Variants in JAK2 observed in about 807,000 individuals in gnomAD.
The protein encoded by JAK2 is Janus kinase 2, also known as tyrosine-protein kinase JAK2.
Under a neutral mutation model 139.3 loss-of-function variants are expected in JAK2, and 86 were observed. That is an observed-to-expected ratio of 0.62 (90% confidence interval 0.52 to 0.74). The LOEUF (loss-of-function observed/expected upper bound fraction) is 0.74, where lower values mean the gene tolerates loss of function less well. JAK2 is among the 30% of genes least tolerant of loss of function. JAK2 has a pLI of 0.00. For synonymous variants in JAK2, 490 were observed against 437.7 expected (o/e 1.12, Z -1.49); for missense variants, 1,421 against 1,360.3 (o/e 1.04, Z -0.70).
At chr9:5,073,283 G>T (rs1428745830) in intron 13 of JAK2, among the ~76,000 whole-genome samples, 1 of 152,202 alleles carries the variant, frequency 6.6e-6, no homozygotes, top group Non-Finnish European at 1.5e-5. Flanking sequence ...TCCTGACACA[G>T]ATGTCGTGAT....
At chr9:5,090,997 T>C in intron 22 of JAK2, 86 bp downstream of exon 22, 1 of 1,008,430 alleles carries the variant, frequency 9.9e-7, no homozygotes, top group Non-Finnish European at 1.5e-6. Context: ...GCCATTTCTA[T>C]ATTTACAGTA....
At chr9:5,072,422 A>G (rs1255116516) in intron 12 of JAK2, 70 bp from the exon 13 acceptor site, 2 of 1,157,264 alleles carry the variant, frequency 1.7e-6, no homozygotes, top group Non-Finnish European at 2.4e-6. Flanking sequence ...TCCTCATTGA[A>G]TGTATTTTCT....
Position 5,103,221 on chromosome 9 carries a change from CAAAAAAAAAAAAAAAAAAAAA to C in JAK2, c.3059+12324_3059+12344del, listed in dbSNP as rs56691830. On this transcript the variant is annotated intron_variant, in intron 22 of 24. Transcript: ENST00000381652. The stretch of plus-strand genomic sequence containing the variant: ...GAAGATCTACCAAGCAAAGGGAAAG[CAAAAAAAAAAAAAAAAAAAAA>C]AAAAAAAAAAAAAGCAGGAGTTGCA... Among the ~76,000 whole-genome samples the C allele has an allele frequency of 9.3e-3, 64 of 6,886 alleles. No homozygotes were observed. In the East Asian group the frequency reaches 0.2, roughly 22 times the overall value. 4.5% of individuals were successfully genotyped at this position (6,886 alleles called of 152,430 possible).
intron 10 of JAK2, among the ~76,000 whole-genome samples, chr9:5,068,174 CA>C (rs34519862): frequency 0.4 from 53,829 of 136,094 alleles, 12,443 homozygotes; most frequent in African/African-American, 0.69. Context: ...AAAACAACAA[CA>C]AAAAAAAAAA....
At chr9:4,994,706 G>A (rs1023265425) in intron 2 of JAK2, among the ~76,000 whole-genome samples, 2 of 152,064 alleles carry the variant, frequency 1.3e-5, no homozygotes, top group African/African-American at 2.4e-5. Context: ...ACAGGCAGCT[G>A]GCTAAATTTG....
At position 5,127,802 on chromosome 9, in the gene JAK2, C is replaced by T. The variant is rs1824095420; in HGVS notation, c.*1011C>T. On this transcript the variant is annotated 3_prime_UTR_variant, in exon 25 of 25. Coordinates refer to ENST00000381652, the MANE Select transcript of JAK2 (RefSeq NM_004972.4). ...AGTGCAGCAGGTTAAGAATTTTTTC[C>T]TAAAGACTGTATATTTGAGGGGTTT... 4.3e-6 allele frequency: 1 copy of T among 232,416 alleles called. No homozygotes were observed. Among genetic ancestry groups the T allele is most frequent in the Non-Finnish European group, 8.5e-6 (1 of 117,254 alleles). 14.4% of individuals were successfully genotyped at this position (232,416 alleles called of 1,614,324 possible).
rs1293103784 is a variant in JAK2, at chr9:5,054,787, C to T, written c.839C>T (p.Ser280Leu). 6.2e-7 allele frequency: 1 copy of T among 1,613,050 alleles called. No homozygotes were observed. The highest frequency in any genetic ancestry group is 1.7e-5 in the Admixed American group (1 of 59,930). The change falls in exon 7 of 25, where the codon TCA (serine) becomes TTA (leucine). Residue 280 changes from serine (S) to leucine (L), a missense_variant. Ser to Leu is a moderately radical substitution (Grantham distance 145). Transcript: ENST00000381652. This position sits in a 1 kb window ranked among gnomAD's most constrained non-coding sequence, Gnocchi z 4.9. Reference protein sequence around the residue: ...FEVKEPGSGPSGEEIFATIII... With the variant: ...FEVKEPGSGPLGEEIFATIII... ...GTAAAAGAACCTGGAAGTGGTCCTT[C>T]AGGTGAGGAGATTTTTGCAACCATT...
intron 22 of JAK2, among the ~76,000 whole-genome samples, chr9:5,115,639 T>C (rs892783974): frequency 2.0e-5 from 3 of 152,206 alleles, no homozygotes; most frequent in Non-Finnish European, 4.4e-5. Flanking sequence ...CTTTTCACAA[T>C]AGCAAAGACT....
intron 6 of JAK2, among the ~76,000 whole-genome samples, chr9:5,051,753 T>C (rs1411568796): frequency 2.0e-5 from 3 of 152,190 alleles, no homozygotes; most frequent in East Asian, 3.8e-4. Flanking sequence ...TTTTTTGAAA[T>C]TGTTCTCCCA....
At chr9:5,113,963 AG>A (rs1822896547) in intron 22 of JAK2, 1 of 272,684 alleles carries the variant, frequency 3.7e-6, no homozygotes, top group Non-Finnish European at 7.3e-6. Context: ...GGGTACACCC[AG>A]GTGCCATCAG....
At position 5,073,709 on chromosome 9, in the gene JAK2, A is replaced by G; in HGVS notation, c.1788A>G (p.Glu596=). ...TTTTTTTTCCTTAGTCTTTCTTTGA[A>G]GCAGCAAGTATGATGAGCAAGCTTT... is the stretch of plus-strand genomic sequence containing the variant. ...AHRNYSESFF[E]AASMMSKLSH... Residue 596 remains glutamate, a synonymous_variant, in exon 14 of 25, where the codon GAA becomes GAG. Transcript: ENST00000381652. 1 of 1,611,378 alleles carries G rather than the reference A, an allele frequency of 6.2e-7. No individual in the cohort carries two copies. Among genetic ancestry groups the G allele is most frequent in the Non-Finnish European group, 8.5e-7 (1 of 1,178,482 alleles).
At chr9:5,120,565 T>TA (rs1487644654) in intron 22 of JAK2, among the ~76,000 whole-genome samples, 4 of 152,218 alleles carry the variant, frequency 2.6e-5, no homozygotes, top group Admixed American at 6.5e-5. Flanking sequence ...TTAAATGTTG[T>TA]AAAAAATCGG....
chr9:5,105,139 C>T (rs575214629), intron 22 of JAK2, among the ~76,000 whole-genome samples: 20 of 152,224 alleles, frequency 1.3e-4, no homozygotes, highest in Admixed American at 2.6e-4. Context: ...GCAGATGACA[C>T]GACTGTATAT....
Position 5,054,468 on chromosome 9 carries a change from C to A in JAK2, c.615-95C>A. The A allele has an allele frequency of 9.6e-7, 1 of 1,041,932 alleles. No individual in the cohort carries two copies. The highest frequency in any genetic ancestry group is 1.4e-6 in the Non-Finnish European group (1 of 708,932). 64.5% of individuals were successfully genotyped at this position (1,041,932 alleles called of 1,614,324 possible). ...CACTGTGTTGTAAGGCCTACTTAAT[C>A]ATGGAAAAAGGTGGTAACTTCTTTT... On this transcript the variant is annotated intron_variant, in intron 6 of 24. Transcript: ENST00000381652. This position sits in a 1 kb window ranked among gnomAD's most constrained non-coding sequence, Gnocchi z 4.9.
At chr9:5,007,922 T>A (rs756299125) in intron 2 of JAK2, among the ~76,000 whole-genome samples, 4 of 152,034 alleles carry the variant, frequency 2.6e-5, no homozygotes, top group Non-Finnish European at 5.9e-5. Context: ...GAGAACAGGG[T>A]CTCACTACAT....
intron 19 of JAK2, chr9:5,086,122 G>T: frequency 2.3e-6 from 1 of 431,808 alleles, no homozygotes; most frequent in South Asian, 2.7e-5. Flanking sequence ...ATCGGCAGCG[G>T]CGCGCGGCCC....
intron 22 of JAK2, chr9:5,099,941 T>C (rs191777408): frequency 1.3e-3 from 198 of 152,322 alleles, no homozygotes; most frequent in African/African-American, 4.5e-3. Flanking sequence ...GCTGGCTTTT[T>C]ACCACAAGGC....
intron 22 of JAK2, 176 bp downstream of exon 22, chr9:5,091,087 G>T: frequency 2.0e-6 from 1 of 488,400 alleles, no homozygotes; most frequent in South Asian, 3.6e-5. Context: ...TAGTCCACGT[G>T]GGAAAATGGC....
chr9:5,106,315 A>C (rs947530814), intron 22 of JAK2, among the ~76,000 whole-genome samples: 1 of 152,278 alleles, frequency 6.6e-6, no homozygotes, highest in Non-Finnish European at 1.5e-5. Flanking sequence ...ATCACTGGTC[A>C]TCAGAGAAAT....
Sources: gnomAD v4.1 joint callset for allele counts (sites outside exome capture counted in the v4.1 genomes callset) on GRCh38, gnomAD v4.1.1 for gene constraint, Gnocchi (gnomAD v3.1) non-coding constraint, MANE v1.5 for transcripts, NCBI Gene and HGNC (gene_info 2026-07-23, HGNC 2026-07-21) for gene names.